NRG3: variants seen among roughly 807,000 people sequenced by gnomAD.
NRG3 encodes neuregulin 3, also known as pro-neuregulin-3, membrane-bound isoform.
NRG3 carries 31 observed loss-of-function variants against 66.9 expected under a neutral mutation model. The ratio of observed to expected loss-of-function variants is 0.46; its 90% CI spans 0.35 to 0.63. The LOEUF is 0.63. Among genes scored for constraint, NRG3 ranks in the 20% least tolerant of loss-of-function variants. NRG3 has a pLI of 0.00. For missense variants in NRG3, 910 were observed against 878.9 expected (o/e 1.04, Z -0.45); for synonymous variants, 393 against 359.4 (o/e 1.09, Z -1.06).
chr10:82,027,927 G>C (rs1226680262), intron 1 of NRG3, among the ~76,000 whole-genome samples: 3 of 152,052 alleles, frequency 2.0e-5, no homozygotes, highest in Non-Finnish European at 4.4e-5. Context: ...CTCAGATCCG[G>C]GTTGTGCAAG....
intron 1 of NRG3, among the ~76,000 whole-genome samples, chr10:82,284,476 G>A (rs986111859): frequency 6.6e-6 from 1 of 152,162 alleles, no homozygotes; most frequent in Non-Finnish European, 1.5e-5. Context: ...TTCCTGCAGG[G>A]TGAGGAGTTT....
chr10:81,883,502 T>C (rs890437371), intron 1 of NRG3, among the ~76,000 whole-genome samples: 2 of 152,194 alleles, frequency 1.3e-5, no homozygotes, highest in Non-Finnish European at 2.9e-5. Context: ...CTTCCAGTGC[T>C]AAGATTTTGT....
At chr10:82,765,158 T>C (rs536794874) in intron 3 of NRG3, among the ~76,000 whole-genome samples, 1 of 152,090 alleles carries the variant, frequency 6.6e-6, no homozygotes, top group Non-Finnish European at 1.5e-5. Flanking sequence ...CCAGTACCTA[T>C]GAACAATAGA....
chr10:82,439,362 A>C (rs896466847), intron 2 of NRG3, among the ~76,000 whole-genome samples: 3 of 144,330 alleles, frequency 2.1e-5, no homozygotes, highest in Admixed American at 6.7e-5. Flanking sequence ...TTTTCAATAA[A>C]TTTTATACTT....
chr10:82,943,849 A>G (rs1410091128), intron 4 of NRG3, among the ~76,000 whole-genome samples: 2 of 152,222 alleles, frequency 1.3e-5, no homozygotes, highest in Non-Finnish European at 2.9e-5. Flanking sequence ...ATGAAAAACC[A>G]GAATTTATCG....
At chr10:82,255,955 G>A (rs539943811) in intron 1 of NRG3, among the ~76,000 whole-genome samples, 3 of 151,626 alleles carry the variant, frequency 2.0e-5, no homozygotes, top group South Asian at 2.1e-4. Flanking sequence ...ATGGAGTCTC[G>A]CTCTGTCACC....
At chr10:82,115,274 A>G (rs1564576101) in intron 1 of NRG3, among the ~76,000 whole-genome samples, 1 of 152,106 alleles carries the variant, frequency 6.6e-6, no homozygotes, top group Admixed American at 6.6e-5. Context: ...TAGATACTGC[A>G]TAAATGCAAG....
At chr10:82,909,402 T>C (rs1845098016) in intron 4 of NRG3, among the ~76,000 whole-genome samples, 1 of 152,172 alleles carries the variant, frequency 6.6e-6, no homozygotes, top group Non-Finnish European at 1.5e-5. Context: ...TCTTGATCAT[T>C]GACATGATGC....
At chr10:82,486,874 C>G (rs565873624) in intron 2 of NRG3, among the ~76,000 whole-genome samples, 2 of 151,838 alleles carry the variant, frequency 1.3e-5, no homozygotes, top group Non-Finnish European at 2.9e-5. Context: ...CTAAATCAGC[C>G]GAACCCACAG....
chr10:82,825,583 A>C (rs1197508685), intron 3 of NRG3, among the ~76,000 whole-genome samples: 2 of 152,190 alleles, frequency 1.3e-5, no homozygotes, highest in African/African-American at 2.4e-5. Context: ...GTCCTGTAGA[A>C]CATCCTTACT....
At position 81,952,898 on chromosome 10, in the gene NRG3, A is replaced by G. The variant is rs114805364; in HGVS notation, c.823+76735A>G. Among the ~76,000 whole-genome samples, 1,147 of 152,046 alleles carry G rather than the reference A, an allele frequency of 7.5e-3. 20 individuals carry two copies. The highest frequency in any genetic ancestry group is 0.026 in the African/African-American group (1,071 of 41,476). On this transcript the variant is annotated intron_variant, in intron 1 of 8. Transcript: ENST00000372141. ...GCATGATGCACCACGCTTGGCCTCA[A>G]TCCTGTTTAACTGACCTCATTGGAC...
intron 1 of NRG3, among the ~76,000 whole-genome samples, chr10:82,061,661 A>C (rs538534309): frequency 6.6e-6 from 1 of 152,200 alleles, no homozygotes; most frequent in East Asian, 1.9e-4. Context: ...AGCTCAGTGA[A>C]TGCTGGGGTA....
chr10:82,466,920 A>T (rs1448330301), intron 2 of NRG3, among the ~76,000 whole-genome samples: 1 of 152,066 alleles, frequency 6.6e-6, no homozygotes, highest in Non-Finnish European at 1.5e-5. Flanking sequence ...GACCAAAAAA[A>T]AAAAAAAACA....
chr10:82,969,811 G>C (rs181471698), intron 6 of NRG3, among the ~76,000 whole-genome samples: 36 of 152,060 alleles, frequency 2.4e-4, no homozygotes, highest in African/African-American at 8.5e-4. Flanking sequence ...AAGTAATTGC[G>C]TGAGAAACAC....
chr10:82,415,019 A>G (rs2088433226), intron 2 of NRG3, among the ~76,000 whole-genome samples: 1 of 152,196 alleles, frequency 6.6e-6, no homozygotes, highest in South Asian at 2.1e-4. Context: ...ACTCTATAAA[A>G]TACCTTATTA....
At chr10:82,286,632 G>A (rs1436825513) in intron 1 of NRG3, among the ~76,000 whole-genome samples, 1 of 152,094 alleles carries the variant, frequency 6.6e-6, no homozygotes, top group East Asian at 1.9e-4. Context: ...CTGTCACCCA[G>A]ACTGGAGTGC....
chr10:82,227,371 C>G (rs1265859744), intron 1 of NRG3, among the ~76,000 whole-genome samples: 2 of 152,110 alleles, frequency 1.3e-5, no homozygotes, highest in Non-Finnish European at 2.9e-5. Flanking sequence ...CACACCCTTG[C>G]ATTTGACAAC....
chr10:82,620,390 G>A (rs1341325708), intron 2 of NRG3, among the ~76,000 whole-genome samples: 2 of 152,136 alleles, frequency 1.3e-5, no homozygotes, highest in Admixed American at 1.3e-4. Flanking sequence ...CGAAGGAAAT[G>A]GCTCTCGGCA....
chr10:82,929,366 C>T (rs1226808521), intron 4 of NRG3, among the ~76,000 whole-genome samples: 1 of 152,132 alleles, frequency 6.6e-6, no homozygotes, highest in Non-Finnish European at 1.5e-5. Flanking sequence ...CTAAGGGATG[C>T]AAGTACCGTT....
Sources: gnomAD v4.1 joint callset for allele counts (sites outside exome capture counted in the v4.1 genomes callset) on GRCh38, gnomAD v4.1.1 for gene constraint, MANE v1.5 for transcripts, NCBI Gene and HGNC (gene_info 2026-07-23, HGNC 2026-07-21) for gene names.